Variants in KAT6B observed in about 807,000 individuals in gnomAD.
KAT6B encodes histone acetyltransferase KAT6B.
KAT6B carries 10 observed loss-of-function variants against 187.5 expected under a neutral mutation model. That is an observed-to-expected ratio of 0.05 (90% CI 0.03 to 0.09). The LOEUF (loss-of-function observed/expected upper bound fraction) is 0.09, where lower values mean the gene tolerates loss of function less well. KAT6B is among the 10% of genes least tolerant of loss of function. KAT6B has a pLI of 1.00. For synonymous variants in KAT6B, 861 were observed against 926.8 expected, an observed-to-expected ratio of 0.93 and a Z score of 1.29; for missense variants, 1,952 against 2,558.9, an observed-to-expected ratio of 0.76 and a Z score of 5.12.
chr10:75,031,216 C>A lies in KAT6B; in HGVS notation c.*170C>A. On this transcript the variant is annotated 3_prime_UTR_variant, in exon 18 of 18. Transcript: ENST00000287239. ...GCTGTATGCAGCAGAAAGCCTTATA[C>A]AAGTTGTTTTTCTTTTTTTCCTTTT... The A allele has an allele frequency of 1.3e-6, 1 of 756,582 alleles. No individual in the cohort carries two copies. The highest frequency in any genetic ancestry group is 1.7e-5 in the South Asian group (1 of 57,150). 46.9% of individuals were successfully genotyped at this position (756,582 alleles called of 1,614,324 possible). A position where few individuals can be genotyped will look rare whatever the true frequency, so the allele number is the denominator to read the frequency against.
At chr10:74,982,215 C>T in intron 11 of KAT6B, 1 of 372,642 alleles carries the variant, frequency 2.7e-6, no homozygotes, top group South Asian at 2.5e-5. Flanking sequence ...CTCCTCAGCT[C>T]TTTGTAAATT....
At chr10:74,863,919 G>A (rs1011692595) in intron 3 of KAT6B, among the ~76,000 whole-genome samples, 1 of 152,128 alleles carries the variant, frequency 6.6e-6, no homozygotes, top group Non-Finnish European at 1.5e-5. Flanking sequence ...TGTAGATAAG[G>A]ATAAAGGTCC....
intron 4 of KAT6B, among the ~76,000 whole-genome samples, chr10:74,965,259 C>T (rs1841379204): frequency 1.3e-5 from 2 of 152,238 alleles, no homozygotes; most frequent in South Asian, 4.1e-4. Flanking sequence ...CTGCTCTTCC[C>T]CTCTTCTGGT....
At chr10:74,892,303 G>A (rs2132651703) in intron 3 of KAT6B, among the ~76,000 whole-genome samples, 1 of 152,290 alleles carries the variant, frequency 6.6e-6, no homozygotes. Context: ...AGAAGTTTGG[G>A]GTTGCAATGA....
At chr10:75,001,321 T>G (rs1248445106) in intron 13 of KAT6B, among the ~76,000 whole-genome samples, 1 of 152,132 alleles carries the variant, frequency 6.6e-6, no homozygotes, top group African/African-American at 2.4e-5. Context: ...CTTGGCTGAT[T>G]TCTTGAGGAA....
intron 3 of KAT6B, among the ~76,000 whole-genome samples, chr10:74,866,325 TTC>T: frequency 6.6e-6 from 1 of 151,780 alleles, no homozygotes; most frequent in East Asian, 1.9e-4. Flanking sequence ...GCAGCTTACT[TTC>T]AAATGGTTCA....
chr10:74,865,618 C>T (rs1236645912), intron 3 of KAT6B, among the ~76,000 whole-genome samples: 1 of 151,758 alleles, frequency 6.6e-6, no homozygotes, highest in African/African-American at 2.4e-5. Context: ...CAGGCTCAAG[C>T]GATTCTCCTG....
At chr10:74,907,619 T>A (rs914034664) in intron 3 of KAT6B, among the ~76,000 whole-genome samples, 2 of 152,166 alleles carry the variant, frequency 1.3e-5, no homozygotes, top group Non-Finnish European at 2.9e-5. Flanking sequence ...CTCCTCTGCC[T>A]CCTGGGTTCA....
At chr10:74,923,961 G>A (rs1330174012) in intron 3 of KAT6B, among the ~76,000 whole-genome samples, 1 of 152,200 alleles carries the variant, frequency 6.6e-6, no homozygotes, top group African/African-American at 2.4e-5. Context: ...CAGTGGTAAT[G>A]GTGGAGAGTG....
intron 3 of KAT6B, among the ~76,000 whole-genome samples, chr10:74,917,530 A>G (rs897349905): frequency 6.6e-6 from 1 of 152,208 alleles, no homozygotes; most frequent in Non-Finnish European, 1.5e-5. Flanking sequence ...CTTAGTATAT[A>G]CCAGTCACTG....
At chr10:75,010,831 T>C (rs1191746266) in intron 13 of KAT6B, among the ~76,000 whole-genome samples, 1 of 152,192 alleles carries the variant, frequency 6.6e-6, no homozygotes, top group African/African-American at 2.4e-5. Flanking sequence ...GCAAAAGAAG[T>C]CTCAGTTTTT....
At chr10:74,827,677 G>A (rs1175140775) in intron 1 of KAT6B, among the ~76,000 whole-genome samples, 1 of 152,098 alleles carries the variant, frequency 6.6e-6, no homozygotes, top group Non-Finnish European at 1.5e-5. Flanking sequence ...GGGATTGGTA[G>A]GGGTGGGACA....
chr10:74,917,494 C>A (rs1847777901), intron 3 of KAT6B, among the ~76,000 whole-genome samples: 2 of 152,174 alleles, frequency 1.3e-5, no homozygotes, highest in African/African-American at 4.8e-5. Flanking sequence ...TCTTTCATGA[C>A]TTCAGCAAAC....
chr10:74,859,166 C>T (rs943291633), intron 3 of KAT6B, among the ~76,000 whole-genome samples: 35 of 152,078 alleles, frequency 2.3e-4, no homozygotes, highest in African/African-American at 8.2e-4. Flanking sequence ...CTACAGCCTC[C>T]ACCTCCCAGG....
At chr10:74,863,088 T>C (rs1843300215) in intron 3 of KAT6B, among the ~76,000 whole-genome samples, 1 of 152,226 alleles carries the variant, frequency 6.6e-6, no homozygotes, top group Non-Finnish European at 1.5e-5. Flanking sequence ...ATGCTCCTTG[T>C]ACAGACTTTG....
intron 4 of KAT6B, among the ~76,000 whole-genome samples, chr10:74,965,460 T>G (rs552954772): frequency 5.3e-5 from 8 of 152,326 alleles, no homozygotes; most frequent in Middle Eastern, 3.4e-3. Context: ...TTTTCCTCAC[T>G]GTATCCAGTG....
At chr10:74,989,203 T>C in intron 13 of KAT6B, 91 bp downstream of exon 13, 4 of 903,666 alleles carry the variant, frequency 4.4e-6, no homozygotes. Context: ...TTAACCTGCA[T>C]TGTTGTTTTT....
At chr10:74,889,410 A>G (rs1845508690) in intron 3 of KAT6B, among the ~76,000 whole-genome samples, 1 of 152,206 alleles carries the variant, frequency 6.6e-6, no homozygotes, top group Non-Finnish European at 1.5e-5. Context: ...AGCTTCATTA[A>G]GAAGTTAAGT....
chr10:74,931,307 C>T (rs1848856546), intron 3 of KAT6B, among the ~76,000 whole-genome samples: 2 of 152,168 alleles, frequency 1.3e-5, no homozygotes, highest in Admixed American at 6.5e-5. Flanking sequence ...CATCACCCCT[C>T]CCCTTTCCAC....
Sources: gnomAD v4.1 joint callset for allele counts (sites outside exome capture counted in the v4.1 genomes callset) on GRCh38, gnomAD v4.1.1 for gene constraint, MANE v1.5 for transcripts, NCBI Gene and HGNC (gene_info 2026-07-23, HGNC 2026-07-21) for gene names.